MAPK8IP2: variants seen among roughly 807,000 people sequenced by gnomAD.
MAPK8IP2 encodes the protein mitogen-activated protein kinase 8 interacting protein 2, also known as C-Jun-amino-terminal kinase-interacting protein 2.
A neutral mutation model predicts 75.6 loss-of-function variants in MAPK8IP2; 15 were observed. The observed-to-expected ratio is 0.20, with a 90% CI of 0.13 to 0.31. The LOEUF is 0.31. MAPK8IP2 is among the 10% of genes least tolerant of loss of function. The pLI is 1.00. For missense variants in MAPK8IP2, 1,089 were observed against 1,211.2 expected, an observed-to-expected ratio of 0.90 and a Z score of 1.50; for synonymous variants, 632 against 554.5, an observed-to-expected ratio of 1.14 and a Z score of -1.96.
intron 2 of MAPK8IP2, 68 bp from the exon 3 acceptor site, chr22:50,603,155 C>G (rs555311351): frequency 6.2e-7 from 1 of 1,609,742 alleles, no homozygotes; most frequent in Middle Eastern, 1.7e-4. Flanking sequence ...TTCCCTTCTC[C>G]TAGCACCTGG....
Position 50,612,600 on chromosome 22 carries a change from C to G in MAPK8IP2, c.*1821C>G, listed in dbSNP as rs961398854. 7 of 152,326 alleles carry G rather than the reference C, an allele frequency of 4.6e-5. No individual in the cohort carries two copies. Among genetic ancestry groups the G allele is most frequent in the Admixed American group, 1.3e-4 (2 of 15,284 alleles). The allele number at this position is 152,326 out of a possible 1,614,324, so 9.4% of individuals were successfully genotyped here. A position where few individuals can be genotyped will look rare whatever the true frequency, so the allele number is the denominator to read the frequency against. ...CACAGACCTGAGGCCCCAGAGAGAC[C>G]GAGGACGCAGACCAGTGGCACGACG... On this transcript the variant is annotated 3_prime_UTR_variant, in exon 12 of 12. Coordinates refer to ENST00000329492, the MANE Select transcript of MAPK8IP2 (RefSeq NM_012324.6).
intron 5 of MAPK8IP2, 89 bp from the exon 6 acceptor site, chr22:50,605,279 A>T: frequency 7.8e-7 from 1 of 1,286,196 alleles, no homozygotes; most frequent in Non-Finnish European, 1.1e-6. Flanking sequence ...TGTGGAGGGG[A>T]CTTGGCCTCT....
Position 50,604,666 on chromosome 22 carries a change from C to T in MAPK8IP2, c.1367C>T (p.Ala456Val), listed in dbSNP as rs2071011495. The T allele has an allele frequency of 1.3e-6, 2 of 1,521,288 alleles. No homozygotes were observed. Among genetic ancestry groups the T allele is most frequent in the Non-Finnish European group, 1.8e-6 (2 of 1,139,314 alleles). 94.2% of individuals were successfully genotyped at this position (1,521,288 alleles called of 1,614,324 possible). The change falls in exon 5 of 12, where the codon GCC (alanine) becomes GTC (valine). Residue 456 changes from alanine to valine, a missense_variant. Ala to Val is a moderately conservative substitution (Grantham distance 64). Transcript: ENST00000329492. ...ITPLWAAPGR[A>V]ARPGRACSAA... ...CCGCTGTGGGCCGCGCCCGGCCGCG[C>T]CGCCCGCCCGGGACGAGCCTGCTCC...
At chr22:50,601,238 G>A in intron 1 of MAPK8IP2, 1 of 155,036 alleles carries the variant, frequency 6.5e-6, no homozygotes, top group Non-Finnish European at 1.4e-5. Context: ...GCGTGTCCCG[G>A]TGGCCTTGGC....
At chr22:50,605,235 G>C in intron 5 of MAPK8IP2, 133 bp from the exon 6 acceptor site, 1 of 1,105,176 alleles carries the variant, frequency 9.0e-7, no homozygotes, top group Non-Finnish European at 1.3e-6. Context: ...CTCTGCCTCA[G>C]CTCCTTCCCG....
At position 50,610,455 on chromosome 22, in the gene MAPK8IP2, G is replaced by T. The variant is rs2071130001; in HGVS notation, c.2402+145G>T. Reference sequence around the variant, plus strand: ...GTGCTGTGTAGAGAGGGCAGTGGTGGGTGACAGTTTGGGGTGCTGGGCATG... The same window carrying T: ...GTGCTGTGTAGAGAGGGCAGTGGTGTGTGACAGTTTGGGGTGCTGGGCATG... On this transcript the variant is annotated intron_variant, in intron 11 of 11. Coordinates refer to ENST00000329492, the MANE Select transcript of MAPK8IP2 (RefSeq NM_012324.6). The surrounding 1 kb of genome is among the most constrained non-coding windows in gnomAD (Gnocchi z 4.3). 3.9e-6 allele frequency: 3 copies of T among 777,246 alleles called. No homozygotes were observed. The highest frequency in any genetic ancestry group is 6.4e-6 in the Non-Finnish European group (3 of 468,594). The allele number at this position is 777,246 out of a possible 1,614,324, so 48.1% of individuals were successfully genotyped here. A position where few individuals can be genotyped will look rare whatever the true frequency, so the allele number is the denominator to read the frequency against.
Position 50,601,774 on chromosome 22 carries a change from T to C in MAPK8IP2, c.66-15T>C, listed in dbSNP as rs970366006. Reference sequence around the variant, plus strand: ...TCCAGGGTTGGTGGCTCTCTGACCCTGGTCTCCTTTCCAGGCCTCCCCAGG... The same window carrying C: ...TCCAGGGTTGGTGGCTCTCTGACCCCGGTCTCCTTTCCAGGCCTCCCCAGG... On this transcript the variant is annotated splice_polypyrimidine_tract_variant and intron_variant, in intron 1 of 11. Transcript: ENST00000329492. 1 of 1,608,732 alleles carries C rather than the reference T, an allele frequency of 6.2e-7. No homozygotes were observed. The highest frequency in any genetic ancestry group is 8.5e-7 in the Non-Finnish European group (1 of 1,175,890).
chr22:50,603,834 C>G lies in MAPK8IP2; in HGVS notation c.542-7C>G. On this transcript the variant is annotated splice_polypyrimidine_tract_variant and splice_region_variant and intron_variant, in intron 4 of 11. Coordinates refer to ENST00000329492, the MANE Select transcript of MAPK8IP2 (RefSeq NM_012324.6). ...AGAGAGGGTGACCCCACCTCCCTGC[C>G]CAGCAGAGCTCCCGGGCCCCCTCCC... 6.6e-7 allele frequency: 1 copy of G among 1,526,442 alleles called. No homozygotes were observed. The highest frequency in any genetic ancestry group is 8.8e-7 in the Non-Finnish European group (1 of 1,136,638). The allele number at this position is 1,526,442 out of a possible 1,614,324, so 94.6% of individuals were successfully genotyped here. A position where few individuals can be genotyped will look rare whatever the true frequency, so the allele number is the denominator to read the frequency against.
Position 50,610,993 on chromosome 22 carries a change from C to T in MAPK8IP2, c.*214C>T. ...GTGGAGCCCCCGTGCCCCTGCTTTT[C>T]CTCAGATCCGTTCTTTCTCTGTGTT... On this transcript the variant is annotated 3_prime_UTR_variant, in exon 12 of 12. Coordinates refer to ENST00000329492, the MANE Select transcript of MAPK8IP2 (RefSeq NM_012324.6). This position sits in a 1 kb window ranked among gnomAD's most constrained non-coding sequence, Gnocchi z 4.3. 1.8e-6 allele frequency: 1 copy of T among 548,218 alleles called. No individual in the cohort carries two copies. The highest frequency in any genetic ancestry group is 3.3e-5 in the Admixed American group (1 of 30,712). The allele number at this position is 548,218 out of a possible 1,614,324, so 34.0% of individuals were successfully genotyped here. A position where few individuals can be genotyped will look rare whatever the true frequency, so the allele number is the denominator to read the frequency against.
chr22:50,609,343 C>T (rs538348651), intron 10 of MAPK8IP2, among the ~76,000 whole-genome samples: 1 of 152,158 alleles, frequency 6.6e-6, no homozygotes, highest in African/African-American at 2.4e-5. Context: ...GGCCCTACCT[C>T]AGAGGGCTGT....
At position 50,605,823 on chromosome 22, in the gene MAPK8IP2, A is replaced by G. The variant is rs2146687076; in HGVS notation, c.2015-2A>G. ...CTGGGCCCTCTGTGCCCCGCTCCCC[A>G]GGGAGTAAGCGGAGCCCCTGCTGGG... is the stretch of plus-strand genomic sequence containing the variant. On this transcript the variant is annotated splice_acceptor_variant, in intron 7 of 11. Coordinates refer to ENST00000329492, the MANE Select transcript of MAPK8IP2 (RefSeq NM_012324.6). LOFTEE classifies it high-confidence loss of function. The G allele has an allele frequency of 6.3e-7, 1 of 1,589,552 alleles. No individual in the cohort carries two copies. Among genetic ancestry groups the G allele is most frequent in the East Asian group, 2.3e-5 (1 of 43,618 alleles).
chr22:50,601,496 G>T, intron 1 of MAPK8IP2: 4 of 367,104 alleles, frequency 1.1e-5, no homozygotes, highest in South Asian at 9.9e-5. Flanking sequence ...CTGACCCCAG[G>T]GGCCTGGAGC....
chr22:50,606,142 C>T (rs776743484), intron 8 of MAPK8IP2, among the ~76,000 whole-genome samples: 5 of 152,222 alleles, frequency 3.3e-5, no homozygotes, highest in Non-Finnish European at 5.9e-5. Context: ...CAGAGCACAG[C>T]AGCTGTCCCT....
Position 50,603,734 on chromosome 22 carries a change from G to T in MAPK8IP2, c.541+15G>T. The T allele has an allele frequency of 6.4e-7, 1 of 1,556,120 alleles. No individual in the cohort carries two copies. Among genetic ancestry groups the T allele is most frequent in the South Asian group, 1.2e-5 (1 of 84,600 alleles). On this transcript the variant is annotated intron_variant, in intron 4 of 11. Coordinates refer to ENST00000329492, the MANE Select transcript of MAPK8IP2 (RefSeq NM_012324.6). ...GGCCCTCAGAGGTGAGGGGTGGTGG[G>T]CCCGCGGGGCGCGGGGAAGCGGGGG...
At position 50,605,450 on chromosome 22, in the gene MAPK8IP2, C is replaced by T; in HGVS notation, c.1841+7C>T. 1 of 1,613,216 alleles carries T rather than the reference C, an allele frequency of 6.2e-7. No homozygotes were observed. Among genetic ancestry groups the T allele is most frequent in the Non-Finnish European group, 8.5e-7 (1 of 1,179,588 alleles). ...CTCACCGGGCTGTGTTCAGGTACGG[C>T]CTCCCTCCTTGCTGGCGGTGGCCCC... On this transcript the variant is annotated splice_region_variant and intron_variant, in intron 6 of 11. Coordinates refer to ENST00000329492, the MANE Select transcript of MAPK8IP2 (RefSeq NM_012324.6).
In MAPK8IP2 at chr22:50,604,940, G is replaced by A. The variant is rs765974541; in HGVS notation, c.1641G>A (p.Glu547=). 1.2e-6 allele frequency: 2 copies of A among 1,610,736 alleles called. No homozygotes were observed. The highest frequency in any genetic ancestry group is 4.5e-5 in the East Asian group (2 of 44,834). Residue 547 remains glutamate (E), a synonymous_variant, in exon 5 of 12, where the codon GAG becomes GAA. Coordinates refer to ENST00000329492, the MANE Select transcript of MAPK8IP2 (RefSeq NM_012324.6). ...ACAGCGGCGGGGAGGCCAGCGAGGA[G>A]GAGGCGGGCGCGGCGCTGCTAGGCG... The part of the protein sequence containing the change: ...EEDSGGEASE[E]EAGAALLGGG...
chr22:50,610,388 G>A lies in MAPK8IP2; in HGVS notation c.2402+78G>A, dbSNP rs750125408. 47 of 1,225,656 alleles carry A rather than the reference G, an allele frequency of 3.8e-5. No homozygotes were observed. Among genetic ancestry groups the A allele is most frequent in the Non-Finnish European group, 5.2e-5 (45 of 857,530 alleles). 75.9% of individuals were successfully genotyped at this position (1,225,656 alleles called of 1,614,324 possible). A position where few individuals can be genotyped will look rare whatever the true frequency, so the allele number is the denominator to read the frequency against. ...GGGGAGCGGAGGTGAGCAGGTGGGG[G>A]CAGGAGCCTGGCAGGGGAGGTCTGG... is the stretch of plus-strand genomic sequence containing the variant. On this transcript the variant is annotated intron_variant, in intron 11 of 11. Coordinates refer to ENST00000329492, the MANE Select transcript of MAPK8IP2 (RefSeq NM_012324.6). The surrounding 1 kb of genome is among the most constrained non-coding windows in gnomAD (Gnocchi z 4.3).
rs756601992 is a variant in MAPK8IP2, at chr22:50,604,945, C to G, written c.1646C>G (p.Ala549Gly). The stretch of plus-strand genomic sequence containing the variant: ...GGCGGGGAGGCCAGCGAGGAGGAGG[C>G]GGGCGCGGCGCTGCTAGGCGGCGGT... The part of the protein sequence containing the change: ...DSGGEASEEE[A>G]GAALLGGGQV... The change falls in exon 5 of 12, where the codon GCG becomes GGG. Residue 549 changes from alanine to glycine, a missense_variant. Around this residue, in one of 2 missense-constraint regions of MAPK8IP2, gnomAD observed 960 missense variants for 1,009.6 expected, o/e 0.95. Transcript: ENST00000329492. 6.2e-7 allele frequency: 1 copy of G among 1,610,460 alleles called. No homozygotes were observed. Among genetic ancestry groups the G allele is most frequent in the Admixed American group, 1.7e-5 (1 of 59,836 alleles).
At chr22:50,603,787 C>T (rs573102189) in intron 4 of MAPK8IP2, 54 bp from the exon 5 acceptor site, 1 of 1,537,468 alleles carries the variant, frequency 6.5e-7, no homozygotes, top group East Asian at 2.5e-5. Flanking sequence ...GGACTGGCTG[C>T]TGGAAGAGGC....
Sources: gnomAD v4.1 joint callset for allele counts (sites outside exome capture counted in the v4.1 genomes callset) on GRCh38, gnomAD v4.1.1 for gene constraint, gnomAD v4.1.1 regional missense constraint, Gnocchi (gnomAD v3.1) non-coding constraint, MANE v1.5 for transcripts, NCBI Gene and HGNC (gene_info 2026-07-23, HGNC 2026-07-21) for gene names.